TMEM170B: variants seen among roughly 807,000 people sequenced by gnomAD.
The protein encoded by TMEM170B is transmembrane protein 170B.
Under a neutral mutation model 13.0 loss-of-function variants are expected in TMEM170B, and 6 were observed. The observed-to-expected ratio is 0.46, with a 90% CI of 0.25 to 0.91. TMEM170B has a LOEUF of 0.91. TMEM170B is among the 40% of genes least tolerant of loss of function. The probability of loss-of-function intolerance (pLI) is 0.17; values close to 1 mark genes in which losing one functional copy is unlikely to be tolerated. For synonymous variants in TMEM170B, 61 were observed against 64.9 expected, an observed-to-expected ratio of 0.94 and a Z score of 0.29; for missense variants, 138 against 165.2, an observed-to-expected ratio of 0.84 and a Z score of 0.90.
In TMEM170B at chr6:11,537,829, C is replaced by T. The variant is rs1467098718; in HGVS notation, c.-449C>T. ...CTCTGGCTGGTCCCGCGTCTCCGTC[C>T]TCCGGCGGCGATGAGCTGGGCCCTG... On this transcript the variant is annotated 5_prime_UTR_variant, in exon 1 of 3. Transcript: ENST00000379426. Among the ~76,000 whole-genome samples the T allele has an allele frequency of 6.6e-6, 1 of 151,702 alleles. No individual in the cohort carries two copies. The highest frequency in any genetic ancestry group is 1.5e-5 in the Non-Finnish European group (1 of 67,848).
At chr6:11,549,880 A>G (rs1014369865) in intron 1 of TMEM170B, among the ~76,000 whole-genome samples, 19 of 152,222 alleles carry the variant, frequency 1.2e-4, no homozygotes, top group Non-Finnish European at 8.8e-5. Context: ...TAGGACTTGA[A>G]AAAAATGAAA....
At chr6:11,548,104 GC>G (rs1187013729) in intron 1 of TMEM170B, among the ~76,000 whole-genome samples, 1 of 152,136 alleles carries the variant, frequency 6.6e-6, no homozygotes, top group Non-Finnish European at 1.5e-5. Flanking sequence ...AAACTAAAGA[GC>G]TTCTGCACAG....
chr6:11,551,775 A>G (rs1759527804), intron 1 of TMEM170B, among the ~76,000 whole-genome samples: 1 of 152,162 alleles, frequency 6.6e-6, no homozygotes, highest in Admixed American at 6.5e-5. Flanking sequence ...AACTGTGAAG[A>G]CAGCACAAGA....
intron 1 of TMEM170B, among the ~76,000 whole-genome samples, chr6:11,549,695 G>T (rs1344661365): frequency 6.6e-6 from 1 of 151,592 alleles, no homozygotes; most frequent in East Asian, 1.9e-4. Flanking sequence ...GGCCTCATTA[G>T]ATTGTCACAT....
chr6:11,550,174 ATT>A lies in TMEM170B; in HGVS notation c.97+11815_97+11816del, dbSNP rs35963481. Among the ~76,000 whole-genome samples, 290 of 139,880 alleles carry A rather than the reference ATT, an allele frequency of 2.1e-3. 1 individual carries two copies. Among genetic ancestry groups the A allele is most frequent in the Non-Finnish European group, 2.9e-3 (185 of 64,454 alleles). The allele number at this position is 139,880 out of a possible 152,430, so 91.8% of individuals were successfully genotyped here. A position where few individuals can be genotyped will look rare whatever the true frequency, so the allele number is the denominator to read the frequency against. ...TCATAATCCTGTCGTGGCTTATATA[ATT>A]TTTTTTTTTTTTTTGAAGCAGAGTC... On this transcript the variant is annotated intron_variant, in intron 1 of 2. Transcript: ENST00000379426.
chr6:11,543,041 A>T (rs1242961572), intron 1 of TMEM170B, among the ~76,000 whole-genome samples: 1 of 152,158 alleles, frequency 6.6e-6, no homozygotes, highest in Non-Finnish European at 1.5e-5. Context: ...TACTTCAGCT[A>T]CTTCCTCCTT....
In TMEM170B at chr6:11,581,435, A is replaced by G. The variant is rs1276827212; in HGVS notation, c.*5874A>G. 1 of 152,194 alleles carries G rather than the reference A, an allele frequency of 6.6e-6. No homozygotes were observed. 9.4% of individuals were successfully genotyped at this position (152,194 alleles called of 1,614,324 possible). On this transcript the variant is annotated 3_prime_UTR_variant, in exon 3 of 3. Coordinates refer to ENST00000379426, the MANE Select transcript of TMEM170B (RefSeq NM_001100829.3). The stretch of plus-strand genomic sequence containing the variant: ...CTTTAGGCAAGTCAGGAGAGCATGA[A>G]CCTCATACATACATTTTTACGATTA...
At chr6:11,569,732 C>G (rs1277615097) in intron 2 of TMEM170B, among the ~76,000 whole-genome samples, 2 of 152,102 alleles carry the variant, frequency 1.3e-5, no homozygotes, top group African/African-American at 4.8e-5. Flanking sequence ...TCCCCCACTG[C>G]CATATAGTAA....
rs572992028 is a variant in TMEM170B, at chr6:11,562,838, A to G, written c.98-2828A>G. On this transcript the variant is annotated intron_variant, in intron 1 of 2. Transcript: ENST00000379426. ...ATCACTTACATGTATATCCACCACT[A>G]TAGTCAAAGAAGAAATCCATTACCA... Among the ~76,000 whole-genome samples, 4 of 152,284 alleles carry G rather than the reference A, an allele frequency of 2.6e-5. No homozygotes were observed. In the South Asian group the frequency reaches 8.3e-4, roughly 32 times the overall value.
intron 1 of TMEM170B, among the ~76,000 whole-genome samples, chr6:11,549,158 G>C (rs374981376): frequency 8.5e-5 from 13 of 152,184 alleles, no homozygotes; most frequent in Non-Finnish European, 7.3e-5. Context: ...AGATGAATAA[G>C]TCTACTGATG....
intron 1 of TMEM170B, among the ~76,000 whole-genome samples, chr6:11,553,272 C>T (rs928051095): frequency 2.0e-5 from 3 of 152,110 alleles, no homozygotes; most frequent in African/African-American, 7.2e-5. Flanking sequence ...ATGTTGGACC[C>T]ATGCACTGCA....
chr6:11,570,378 A>G (rs570423219), intron 2 of TMEM170B, among the ~76,000 whole-genome samples: 3 of 152,252 alleles, frequency 2.0e-5, no homozygotes, highest in African/African-American at 7.2e-5. Flanking sequence ...CTTTGGAGAG[A>G]TAAGATGAAT....
At chr6:11,562,090 A>C (rs1196415665) in intron 1 of TMEM170B, among the ~76,000 whole-genome samples, 2 of 152,126 alleles carry the variant, frequency 1.3e-5, no homozygotes, top group Non-Finnish European at 2.9e-5. Context: ...TTTTGTATTG[A>C]AGAGCCTGTG....
At chr6:11,568,620 GTC>G (rs1007053009) in intron 2 of TMEM170B, among the ~76,000 whole-genome samples, 2 of 152,208 alleles carry the variant, frequency 1.3e-5, no homozygotes, top group African/African-American at 4.8e-5. Context: ...AAAAATGTAA[GTC>G]TGACACAATT....
chr6:11,565,646 T>C lies in TMEM170B; in HGVS notation c.98-20T>C. 6.2e-7 allele frequency: 1 copy of C among 1,613,526 alleles called. No homozygotes were observed. The highest frequency in any genetic ancestry group is 8.5e-7 in the Non-Finnish European group (1 of 1,179,516). ...AAGTTGTGTTTCAACAGATGATTAA[T>C]ACTTTGCTTTTCCTTTCAGAGATGT... On this transcript the variant is annotated intron_variant, in intron 1 of 2. Coordinates refer to ENST00000379426, the MANE Select transcript of TMEM170B (RefSeq NM_001100829.3).
intron 1 of TMEM170B, among the ~76,000 whole-genome samples, chr6:11,562,015 A>G (rs143273061): frequency 6.6e-6 from 1 of 152,158 alleles, no homozygotes; most frequent in East Asian, 1.9e-4. Context: ...TAAATAAATT[A>G]TTTCCTCTAA....
In TMEM170B at chr6:11,538,260, G is replaced by A. The variant is rs1189232788; in HGVS notation, c.-18G>A. 30 of 1,306,342 alleles carry A rather than the reference G, an allele frequency of 2.3e-5. No homozygotes were observed. The highest frequency in any genetic ancestry group is 2.7e-5 in the Non-Finnish European group (28 of 1,023,230). The allele number at this position is 1,306,342 out of a possible 1,614,324, so 80.9% of individuals were successfully genotyped here. On this transcript the variant is annotated 5_prime_UTR_variant, in exon 1 of 3. Transcript: ENST00000379426. ...GCCCGGCACCCGAGGAGAGGGCGGC[G>A]GGCGCCCCTCGGGGAAGATGAAGGC...
rs953735916 is a variant in TMEM170B at position 11,545,367 on chromosome 6, T to C, written c.97+6993T>C. On this transcript the variant is annotated intron_variant, in intron 1 of 2. Coordinates refer to ENST00000379426, the MANE Select transcript of TMEM170B (RefSeq NM_001100829.3). ...TAGTCCCGTTTATTCAAAGGCAATA[T>C]GTTCCAAAACCCCCAGTGGGTGCCT... is the stretch of plus-strand genomic sequence containing the variant. 2.0e-5 allele frequency among the ~76,000 whole-genome samples: 3 copies of C among 151,422 alleles called. No homozygotes were observed. In the South Asian group the frequency reaches 6.3e-4, roughly 32 times the overall value.
intron 2 of TMEM170B, among the ~76,000 whole-genome samples, chr6:11,572,655 AT>A (rs1207482883): frequency 6.6e-6 from 1 of 152,184 alleles, no homozygotes; most frequent in Non-Finnish European, 1.5e-5. Context: ...AACTCAAAAC[AT>A]TATAGATAGA....
Sources: gnomAD v4.1 joint callset for allele counts (sites outside exome capture counted in the v4.1 genomes callset) on GRCh38, gnomAD v4.1.1 for gene constraint, MANE v1.5 for transcripts, NCBI Gene and HGNC (gene_info 2026-07-23, HGNC 2026-07-21) for gene names.